Variants in FMNL2 observed in about 807,000 individuals in gnomAD.
The protein encoded by FMNL2 is formin-like protein 2.
In FMNL2, 51 loss-of-function variants were observed where a neutral mutation model predicts 130.2. That is an observed-to-expected ratio of 0.39 (90% confidence interval 0.31 to 0.49). FMNL2 has a LOEUF of 0.49. Ranked by LOEUF, FMNL2 falls within the 20% of genes least tolerant of loss-of-function variation. The pLI is 0.85. For synonymous variants in FMNL2, 465 were observed against 467.1 expected (o/e 1.00, Z 0.06); for missense variants, 977 against 1,316.2 (o/e 0.74, Z 3.99).
intron 1 of FMNL2, among the ~76,000 whole-genome samples, chr2:152,439,810 G>A (rs1302523528): frequency 6.8e-6 from 1 of 147,964 alleles, no homozygotes; most frequent in South Asian, 2.2e-4. Context: ...CTAGTATGCC[G>A]TGTCTGTGGT....
chr2:152,492,185 C>T (rs1292903139), intron 1 of FMNL2, among the ~76,000 whole-genome samples: 2 of 152,040 alleles, frequency 1.3e-5, no homozygotes, highest in African/African-American at 4.8e-5. Flanking sequence ...GGTATAATGA[C>T]ATCTCTTCAT....
In FMNL2 at chr2:152,603,796, T is replaced by C. The variant is rs1698217250; in HGVS notation, c.877-3543T>C. 2.0e-5 allele frequency among the ~76,000 whole-genome samples: 3 copies of C among 151,028 alleles called. 1 individual carries two copies. The highest frequency in any genetic ancestry group is 4.4e-5 in the Non-Finnish European group (3 of 67,806). ...TGGGTCCATTCCTGCGGCATTCCTA[T>C]GATATCCAATTATAGTAACTGTGTT... On this transcript the variant is annotated intron_variant, in intron 9 of 25. Coordinates refer to ENST00000288670, the MANE Select transcript of FMNL2 (RefSeq NM_052905.4).
intron 1 of FMNL2, among the ~76,000 whole-genome samples, chr2:152,495,729 A>G (rs1691483302): frequency 6.7e-6 from 1 of 149,774 alleles, no homozygotes; most frequent in Non-Finnish European, 1.5e-5. Flanking sequence ...ATACACATAC[A>G]CACACACTTC....
At chr2:152,527,168 CCTGTTAA>C (rs1365868786) in intron 2 of FMNL2, among the ~76,000 whole-genome samples, 1 of 152,140 alleles carries the variant, frequency 6.6e-6, no homozygotes, top group East Asian at 1.9e-4. Flanking sequence ...TCCTGAGTTT[CCTGTTAA>C]CTAGAAGTTA....
At chr2:152,410,763 TA>T (rs1686238573) in intron 1 of FMNL2, among the ~76,000 whole-genome samples, 1 of 152,156 alleles carries the variant, frequency 6.6e-6, no homozygotes, top group African/African-American at 2.4e-5. Context: ...TTCTTCTGGG[TA>T]AAAAAGTGAA....
chr2:152,356,279 C>T (rs539169352), intron 1 of FMNL2, among the ~76,000 whole-genome samples: 4 of 152,248 alleles, frequency 2.6e-5, no homozygotes, highest in East Asian at 1.9e-4. Context: ...TGCGCCACCA[C>T]GCCTGGCTAA....
At chr2:152,457,277 A>C (rs1689009769) in intron 1 of FMNL2, among the ~76,000 whole-genome samples, 1 of 152,248 alleles carries the variant, frequency 6.6e-6, no homozygotes, top group Admixed American at 6.5e-5. Context: ...AGATGAATAC[A>C]ACACTTCTCC....
intron 9 of FMNL2, among the ~76,000 whole-genome samples, chr2:152,594,209 A>G (rs1341738795): frequency 3.9e-5 from 6 of 152,146 alleles, no homozygotes; most frequent in Non-Finnish European, 5.9e-5. Flanking sequence ...TCTATATAAA[A>G]CTTTGTGTAC....
Position 152,542,742 on chromosome 2 carries a change from C to G in FMNL2, c.205C>G (p.Arg69Gly). The change falls in exon 3 of 26, where the codon CGA becomes GGA. Residue 69 changes from arginine to glycine, a missense_variant. By Grantham distance (125) the Arg-to-Gly change is moderately radical. Transcript: ENST00000288670. The stretch of plus-strand genomic sequence containing the variant: ...TGGACTTTTGTGCTTTCTGCAGGAA[C>G]GATTCCAGGTGAAGAATCCTCCCCA... The part of the protein sequence containing the change: ...KKWELICDQE[R>G]FQVKNPPHTY... 1 of 1,614,030 alleles carries G rather than the reference C, an allele frequency of 6.2e-7. No homozygotes were observed. Among genetic ancestry groups the G allele is most frequent in the Non-Finnish European group, 8.5e-7 (1 of 1,179,902 alleles).
In FMNL2 at chr2:152,499,720, A is replaced by G. The variant is rs948371360; in HGVS notation, c.118-22223A>G. On this transcript the variant is annotated intron_variant, in intron 1 of 25. Coordinates refer to ENST00000288670, the MANE Select transcript of FMNL2 (RefSeq NM_052905.4). ...CAGATGGTTGGCAGGCTCAACCATC[A>G]GCCTTCCAGACTTGGGATTCTAACA... Among the ~76,000 whole-genome samples, 19 of 152,318 alleles carry G rather than the reference A, an allele frequency of 1.2e-4. No individual in the cohort carries two copies. The East Asian group carries it at 3.5e-3, about 28-fold the overall frequency.
intron 23 of FMNL2, among the ~76,000 whole-genome samples, chr2:152,638,249 G>A (rs1173099907): frequency 6.6e-6 from 1 of 152,202 alleles, no homozygotes; most frequent in Non-Finnish European, 1.5e-5. Context: ...CTGTGGTCTT[G>A]AAAAAGCCTA....
chr2:152,584,078 CAA>C (rs1696936332), intron 9 of FMNL2, among the ~76,000 whole-genome samples: 1 of 152,120 alleles, frequency 6.6e-6, no homozygotes, highest in Admixed American at 6.5e-5. Flanking sequence ...GCTCACAGCT[CAA>C]AGTCTCTTAA....
At chr2:152,564,115 A>G (rs1695680634) in intron 6 of FMNL2, among the ~76,000 whole-genome samples, 1 of 151,974 alleles carries the variant, frequency 6.6e-6, no homozygotes, top group East Asian at 1.9e-4. Flanking sequence ...CCTCATTTTT[A>G]GAATTTGAAC....
At chr2:152,366,648 G>A (rs1683569085) in intron 1 of FMNL2, among the ~76,000 whole-genome samples, 1 of 152,138 alleles carries the variant, frequency 6.6e-6, no homozygotes, top group African/African-American at 2.4e-5. Flanking sequence ...GCTGTAGCTT[G>A]AAATGTAGTG....
At chr2:152,510,581 T>C (rs1380200338) in intron 1 of FMNL2, among the ~76,000 whole-genome samples, 5 of 152,208 alleles carry the variant, frequency 3.3e-5, no homozygotes, top group African/African-American at 1.2e-4. Flanking sequence ...TTGTTGGTGT[T>C]GACCATAAAA....
chr2:152,381,550 G>A (rs974911923), intron 1 of FMNL2, among the ~76,000 whole-genome samples: 6 of 152,138 alleles, frequency 3.9e-5, no homozygotes, highest in South Asian at 2.1e-4. Context: ...TATTCCTGTC[G>A]TTAGGGTTTC....
chr2:152,582,662 C>T, intron 9 of FMNL2, among the ~76,000 whole-genome samples: 1 of 151,946 alleles, frequency 6.6e-6, no homozygotes, highest in Non-Finnish European at 1.5e-5. Flanking sequence ...TTTTATATAT[C>T]ATGTATAAAT....
At chr2:152,483,846 C>G (rs776657099) in intron 1 of FMNL2, among the ~76,000 whole-genome samples, 1 of 152,176 alleles carries the variant, frequency 6.6e-6, no homozygotes, top group Non-Finnish European at 1.5e-5. Context: ...TCTTGAGAAC[C>G]AGAGAAATGC....
intron 1 of FMNL2, among the ~76,000 whole-genome samples, chr2:152,352,671 C>T (rs1386591327): frequency 6.6e-6 from 1 of 151,436 alleles, no homozygotes; most frequent in African/African-American, 2.4e-5. Flanking sequence ...AGCCACTGTT[C>T]ACTATTGAAA....
Sources: gnomAD v4.1 joint callset for allele counts (sites outside exome capture counted in the v4.1 genomes callset) on GRCh38, gnomAD v4.1.1 for gene constraint, MANE v1.5 for transcripts, NCBI Gene and HGNC (gene_info 2026-07-23, HGNC 2026-07-21) for gene names.